Variants in SPAG1 observed in about 807,000 individuals in gnomAD.
SPAG1 encodes sperm-associated antigen 1.
A neutral mutation model predicts 100.5 loss-of-function variants in SPAG1; 69 were observed. That is an observed-to-expected ratio of 0.69 (90% CI 0.57 to 0.84). SPAG1 has a LOEUF of 0.84. Among genes scored for constraint, SPAG1 ranks in the 40% least tolerant of loss-of-function variants. The pLI is 0.00. For synonymous variants in SPAG1, 336 were observed against 411.6 expected (o/e 0.82, Z 2.22); for missense variants, 955 against 1,133.1 (o/e 0.84, Z 2.26).
intron 12 of SPAG1, among the ~76,000 whole-genome samples, chr8:100,217,156 G>C (rs1490509640): frequency 1.3e-5 from 2 of 151,822 alleles, no homozygotes. Context: ...GGCCAGGCTG[G>C]TCTTGAATTC....
intron 10 of SPAG1, among the ~76,000 whole-genome samples, chr8:100,207,135 G>A (rs985143572): frequency 5.3e-5 from 8 of 152,180 alleles, no homozygotes; most frequent in Non-Finnish European, 7.3e-5. Flanking sequence ...GGGTCATCAA[G>A]TCACCATGCA....
chr8:100,198,612 G>C (rs754610470), intron 10 of SPAG1, among the ~76,000 whole-genome samples: 17 of 152,150 alleles, frequency 1.1e-4, no homozygotes, highest in Non-Finnish European at 2.2e-4. Flanking sequence ...CAAAAGTGAG[G>C]TAAGATAAGC....
intron 13 of SPAG1, among the ~76,000 whole-genome samples, chr8:100,221,603 T>G (rs1818284717): frequency 6.6e-6 from 1 of 151,992 alleles, no homozygotes; most frequent in Non-Finnish European, 1.5e-5. Context: ...GGGGAAAAAA[T>G]GACATGGTCT....
chr8:100,164,115 G>A (rs1179998034), intron 2 of SPAG1, among the ~76,000 whole-genome samples: 10 of 152,198 alleles, frequency 6.6e-5, no homozygotes, highest in Admixed American at 6.5e-4. Context: ...TCTGTTCCTT[G>A]AGTGGTTGGA....
chr8:100,212,559 A>G (rs1258872607), intron 10 of SPAG1, among the ~76,000 whole-genome samples: 1 of 152,222 alleles, frequency 6.6e-6, no homozygotes, highest in East Asian at 1.9e-4. Flanking sequence ...CTTTAAGTTT[A>G]AAAACTAGGT....
chr8:100,161,848 A>G (rs189762717), intron 1 of SPAG1, among the ~76,000 whole-genome samples: 5 of 152,368 alleles, frequency 3.3e-5, no homozygotes, highest in African/African-American at 9.6e-5. Context: ...ACGCTTACAC[A>G]TGGACATATG....
chr8:100,211,846 G>C (rs187166871), intron 10 of SPAG1, among the ~76,000 whole-genome samples: 81 of 152,280 alleles, frequency 5.3e-4, no homozygotes, highest in Admixed American at 4.4e-3. Flanking sequence ...CAGCTCTTTA[G>C]TGATAGCATT....
At chr8:100,233,097 C>G (rs1033983923) in intron 15 of SPAG1, 4 of 287,464 alleles carry the variant, frequency 1.4e-5, no homozygotes, top group African/African-American at 9.2e-5. Flanking sequence ...TGCGCCTTGT[C>G]TCAGCCCCAC....
chr8:100,220,151 G>A, intron 12 of SPAG1, 128 bp from the exon 13 acceptor site: 2 of 711,426 alleles, frequency 2.8e-6, no homozygotes, highest in Non-Finnish European at 2.2e-6. Context: ...CATGTTGCCT[G>A]GTTCCCAAGA....
chr8:100,220,474 A>G (rs763972560), intron 13 of SPAG1, 43 bp downstream of exon 13: 6 of 1,531,664 alleles, frequency 3.9e-6, no homozygotes, highest in African/African-American at 1.4e-5. Flanking sequence ...GTTGTTTTAT[A>G]CTGTTTTTCC....
chr8:100,207,352 C>G (rs1187797594), intron 10 of SPAG1, among the ~76,000 whole-genome samples: 1 of 152,218 alleles, frequency 6.6e-6, no homozygotes, highest in Non-Finnish European at 1.5e-5. Flanking sequence ...CTCCCCCAGC[C>G]TGCACCGATG....
chr8:100,191,021 A>G (rs1454385903), intron 8 of SPAG1, among the ~76,000 whole-genome samples: 1 of 152,144 alleles, frequency 6.6e-6, no homozygotes, highest in Admixed American at 6.5e-5. Context: ...GTGGCTAAAT[A>G]ATACTCGCCA....
At chr8:100,212,267 G>C (rs1817748336) in intron 10 of SPAG1, among the ~76,000 whole-genome samples, 1 of 152,072 alleles carries the variant, frequency 6.6e-6, no homozygotes, top group Non-Finnish European at 1.5e-5. Flanking sequence ...AAAAAGAATG[G>C]AAAATATATC....
intron 14 of SPAG1, among the ~76,000 whole-genome samples, chr8:100,225,998 G>GTTT (rs57004927): frequency 1.5e-5 from 2 of 132,146 alleles, no homozygotes; most frequent in Admixed American, 7.7e-5. Flanking sequence ...ATGCCAGCTA[G>GTTT]TTTTTTTTTT....
chr8:100,228,564 T>C (rs1374664335), intron 14 of SPAG1, among the ~76,000 whole-genome samples: 1 of 151,904 alleles, frequency 6.6e-6, no homozygotes, highest in Non-Finnish European at 1.5e-5. Context: ...AATACAAAAA[T>C]TAGCTGAGCA....
chr8:100,232,536 C>T (rs1818823596), intron 15 of SPAG1, among the ~76,000 whole-genome samples: 1 of 152,136 alleles, frequency 6.6e-6, no homozygotes, highest in Non-Finnish European at 1.5e-5. Context: ...AGCTCAGATG[C>T]TCCTACCTTC....
intron 3 of SPAG1, among the ~76,000 whole-genome samples, chr8:100,167,143 C>A (rs915719824): frequency 6.6e-6 from 1 of 151,948 alleles, no homozygotes; most frequent in African/African-American, 2.4e-5. Context: ...TACAGAGAGA[C>A]CTGGTTTCTT....
At chr8:100,217,239 C>T (rs1157551039) in intron 12 of SPAG1, among the ~76,000 whole-genome samples, 1 of 151,802 alleles carries the variant, frequency 6.6e-6, no homozygotes, top group African/African-American at 2.4e-5. Flanking sequence ...CTGTGCCTGG[C>T]CCAAAAGTTC....
At chr8:100,174,573 A>G (rs1816023791) in intron 3 of SPAG1, among the ~76,000 whole-genome samples, 1 of 152,206 alleles carries the variant, frequency 6.6e-6, no homozygotes, top group Admixed American at 6.5e-5. Context: ...TATGGTACCA[A>G]TCCTTCTTCC....
Sources: allele counts gnomAD v4.1 joint callset (sites outside exome capture counted in the v4.1 genomes callset), GRCh38; gene constraint gnomAD v4.1.1; transcripts MANE v1.5; gene names NCBI Gene and HGNC (gene_info 2026-07-23, HGNC 2026-07-21).